SOX5: variants seen among roughly 807,000 people sequenced by gnomAD.
The protein encoded by SOX5 is SRY-box transcription factor 5, also known as transcription factor SOX-5.
SOX5 carries 9 observed loss-of-function variants against 92.0 expected under a neutral mutation model. The observed-to-expected ratio is 0.10, with a 90% CI of 0.06 to 0.17. The LOEUF is 0.17. Among genes scored for constraint, SOX5 ranks in the 10% least tolerant of loss-of-function variants. SOX5 has a pLI of 1.00. For missense variants in SOX5, 642 were observed against 944.5 expected (o/e 0.68, Z 4.20); for synonymous variants, 344 against 336.3 (o/e 1.02, Z -0.25).
At chr12:23,847,997 T>C (rs1273349211) in intron 2 of SOX5, among the ~76,000 whole-genome samples, 1 of 152,290 alleles carries the variant, frequency 6.6e-6, no homozygotes, top group East Asian at 1.9e-4. Context: ...AGGAATGTTT[T>C]TATGAATGGT....
chr12:23,950,433 G>T (rs576499726), upstream of SOX5, among the ~76,000 whole-genome samples: 1 of 152,284 alleles, frequency 6.6e-6, no homozygotes, highest in South Asian at 2.1e-4. Context: ...CCGCAAAGTG[G>T]TGCGAACGTC....
At chr12:23,675,791 G>A (rs1412871642) in intron 6 of SOX5, among the ~76,000 whole-genome samples, 4 of 152,112 alleles carry the variant, frequency 2.6e-5, no homozygotes, top group Non-Finnish European at 5.9e-5. Flanking sequence ...GTGAACTATG[G>A]GGTTAATGTC....
At chr12:23,581,977 A>T (rs2136910133) in intron 9 of SOX5, among the ~76,000 whole-genome samples, 1 of 152,248 alleles carries the variant, frequency 6.6e-6, no homozygotes, top group South Asian at 2.1e-4. Flanking sequence ...CATGTTTATC[A>T]TAAATACTCA....
At chr12:23,790,548 TCACA>T (rs941547453) in intron 3 of SOX5, among the ~76,000 whole-genome samples, 1,481 of 137,384 alleles carry the variant, frequency 0.011, 10 homozygotes, top group Middle Eastern at 0.056. Flanking sequence ...TCTCAATCTC[TCACA>T]CACACACACA....
intron 4 of SOX5, among the ~76,000 whole-genome samples, chr12:23,969,547 G>A (rs1260374062): frequency 2.6e-5 from 4 of 152,106 alleles, no homozygotes; most frequent in African/African-American, 9.7e-5. Flanking sequence ...CTAAACTAAG[G>A]CTTTTGTCCT....
intron 8 of SOX5, among the ~76,000 whole-genome samples, chr12:23,613,552 T>C (rs1374917521): frequency 1.3e-5 from 2 of 152,186 alleles, no homozygotes; most frequent in African/African-American, 4.8e-5. Context: ...CAAAAAGATA[T>C]CTGTACACCC....
chr12:24,069,844 A>C (rs1941481821), intron 4 of SOX5, among the ~76,000 whole-genome samples: 1 of 152,222 alleles, frequency 6.6e-6, no homozygotes, highest in Non-Finnish European at 1.5e-5. Flanking sequence ...ATTGCAATTT[A>C]GACAATCTGG....
At chr12:24,333,514 A>T (rs1185592809) in intron 2 of SOX5, among the ~76,000 whole-genome samples, 3 of 152,056 alleles carry the variant, frequency 2.0e-5, no homozygotes, top group Non-Finnish European at 4.4e-5. Flanking sequence ...TATTATTTTT[A>T]AAAATTCACA....
chr12:24,346,280 T>C (rs369953364), intron 2 of SOX5, among the ~76,000 whole-genome samples: 53 of 152,276 alleles, frequency 3.5e-4, no homozygotes, highest in East Asian at 2.3e-3. Flanking sequence ...TTTAGAACCA[T>C]TGTGCCAAGC....
chr12:24,246,557 C>T (rs1460521029), intron 3 of SOX5, among the ~76,000 whole-genome samples: 4 of 151,814 alleles, frequency 2.6e-5, no homozygotes, highest in Admixed American at 6.6e-5. Context: ...ATATTATAAA[C>T]ACTGGCACAT....
intron 4 of SOX5, among the ~76,000 whole-genome samples, chr12:24,165,215 A>G (rs1224262327): frequency 6.6e-6 from 1 of 152,124 alleles, no homozygotes; most frequent in Non-Finnish European, 1.5e-5. Context: ...CCATGACAAC[A>G]TAATCAGTTT....
In SOX5 at chr12:23,622,527, G is replaced by A. The variant is rs539214077; in HGVS notation, c.1018-17994C>T. Among the ~76,000 whole-genome samples, 8 of 100,792 alleles carry A rather than the reference G, an allele frequency of 7.9e-5. No individual in the cohort carries two copies. In the South Asian group the frequency reaches 2.8e-3, roughly 35 times the overall value. The allele number at this position is 100,792 out of a possible 152,430, so 66.1% of individuals were successfully genotyped here. On this transcript the variant is annotated intron_variant, in intron 8 of 14. Coordinates refer to ENST00000451604, the MANE Select transcript of SOX5 (RefSeq NM_006940.6). ...CAGCGAATTTGAAAATAAAAAGGGTGATTTTTTTAAAATGAAGAAAAATCC... is the reference window on the plus strand; with the variant it reads ...CAGCGAATTTGAAAATAAAAAGGGTAATTTTTTTAAAATGAAGAAAAATCC...
Position 24,143,856 on chromosome 12 carries a change from A to AAGAAGGAGG in SOX5, c.-2+69478_-2+69486dup, listed in dbSNP as rs1243643363. Among the ~76,000 whole-genome samples, 307 of 151,708 alleles carry AAGAAGGAGG rather than the reference A, an allele frequency of 2.0e-3. 2 individuals carry two copies. The highest frequency in any genetic ancestry group is 7.0e-3 in the African/African-American group (291 of 41,384). The stretch of plus-strand genomic sequence containing the variant: ...AGGAGGAGGAAGAGGAGGAGGAAAG[A>AAGAAGGAGG]AGAAGGAGGAGAAGGAGGAGGAGGA... On this transcript the variant is annotated intron_variant, in intron 4 of 4. Coordinates refer to the SOX5 transcript ENST00000446891.
intron 4 of SOX5, among the ~76,000 whole-genome samples, chr12:24,002,340 GA>G (rs1187070021): frequency 6.6e-6 from 1 of 151,554 alleles, no homozygotes; most frequent in African/African-American, 2.4e-5. Flanking sequence ...CAAAAAAAGT[GA>G]AAAAAACCTA....
chr12:24,312,774 A>G (rs2140815612), intron 2 of SOX5, among the ~76,000 whole-genome samples: 1 of 151,984 alleles, frequency 6.6e-6, no homozygotes, highest in East Asian at 1.9e-4. Flanking sequence ...ATTTAGAGAA[A>G]CTCTCCAAAC....
chr12:23,933,470 T>G (rs1390896843), intron 1 of SOX5, among the ~76,000 whole-genome samples: 1 of 151,562 alleles, frequency 6.6e-6, no homozygotes, highest in Non-Finnish European at 1.5e-5. Flanking sequence ...AATGGAAATG[T>G]TTCTATGTCT....
At chr12:23,805,187 A>G (rs2095748432) in intron 3 of SOX5, among the ~76,000 whole-genome samples, 1 of 151,684 alleles carries the variant, frequency 6.6e-6, no homozygotes. Flanking sequence ...ATATAGTGTA[A>G]TAGTTTAAAA....
chr12:23,771,117 A>G (rs924735810), intron 3 of SOX5, among the ~76,000 whole-genome samples: 12 of 150,964 alleles, frequency 7.9e-5, no homozygotes, highest in Admixed American at 7.9e-4. Context: ...CCAAGTTTCA[A>G]TTCTTATCTA....
intron 1 of SOX5, among the ~76,000 whole-genome samples, chr12:23,930,917 A>T (rs975411655): frequency 6.6e-6 from 1 of 151,734 alleles, no homozygotes; most frequent in African/African-American, 2.4e-5. Flanking sequence ...ACAGAACAGG[A>T]TTAGGACTCC....
Sources: allele counts gnomAD v4.1 joint callset (sites outside exome capture counted in the v4.1 genomes callset), GRCh38; gene constraint gnomAD v4.1.1; transcripts MANE v1.5; gene names NCBI Gene and HGNC (gene_info 2026-07-23, HGNC 2026-07-21).